SFI1: variants seen among roughly 807,000 people sequenced by gnomAD.
The protein encoded by SFI1 is protein SFI1 homolog.
SFI1 carries 195 observed loss-of-function variants against 207.5 expected under a neutral mutation model. That is an observed-to-expected ratio of 0.94 (90% CI 0.84 to 1.06). The LOEUF is 1.06. Among genes scored for constraint, SFI1 ranks in the 50% least tolerant of loss-of-function variants. SFI1 has a pLI of 0.00. For synonymous variants in SFI1, 630 were observed against 598.9 expected, an observed-to-expected ratio of 1.05 and a Z score of -0.76; for missense variants, 1,634 against 1,588.0, an observed-to-expected ratio of 1.03 and a Z score of -0.49.
At chr22:31,562,907 C>G (rs2061866520) in intron 8 of SFI1, among the ~76,000 whole-genome samples, 1 of 151,810 alleles carries the variant, frequency 6.6e-6, no homozygotes, top group African/African-American at 2.4e-5. Flanking sequence ...ACTGGTATTA[C>G]AGGCGTGAGC....
At chr22:31,580,106 T>C (rs750992158) in intron 11 of SFI1, 166 bp from the exon 12 acceptor site, 1 of 582,500 alleles carries the variant, frequency 1.7e-6, no homozygotes, top group Non-Finnish European at 3.1e-6. Context: ...AGGCTCCCAG[T>C]TGAATCTCAA....
chr22:31,604,215 C>T (rs954543605), intron 18 of SFI1, 94 bp from the exon 19 acceptor site: 1 of 946,058 alleles, frequency 1.1e-6, no homozygotes, highest in Non-Finnish European at 1.6e-6. Context: ...TTAATTTACA[C>T]TCACACAGAT....
Position 31,575,345 on chromosome 22 carries a change from T to C in SFI1, c.1037T>C (p.Leu346Pro), listed in dbSNP as rs1350867692. The C allele has an allele frequency of 6.2e-7, 1 of 1,612,782 alleles. No homozygotes were observed. The highest frequency in any genetic ancestry group is 1.3e-5 in the African/African-American group (1 of 74,872). The change falls in exon 10 of 33, where the codon CTG (leucine) becomes CCG (proline). Residue 346 changes from leucine to proline, a missense_variant. Transcript: ENST00000400288. Reference protein sequence around the residue: ...LYAHHAQVEKLARKMALRRAF... With the variant: ...LYAHHAQVEKPARKMALRRAF... ...GCTCACCATGCCCAGGTGGAGAAAC[T>C]GGCCAGGAAGATGGCCCTGCGGCGC...
At chr22:31,534,344 T>C (rs1051773858) in intron 4 of SFI1, among the ~76,000 whole-genome samples, 2 of 152,206 alleles carry the variant, frequency 1.3e-5, no homozygotes, top group African/African-American at 4.8e-5. Context: ...TTCACATATT[T>C]ACCCTACTTA....
chr22:31,559,301 T>C (rs2061451031), intron 7 of SFI1, among the ~76,000 whole-genome samples: 2 of 152,158 alleles, frequency 1.3e-5, no homozygotes, highest in South Asian at 4.1e-4. Context: ...TGCACGCCTA[T>C]AATCCCAGCT....
chr22:31,576,184 C>T (rs2063469599), intron 10 of SFI1, among the ~76,000 whole-genome samples: 1 of 152,008 alleles, frequency 6.6e-6, no homozygotes, highest in Non-Finnish European at 1.5e-5. Context: ...GCCACCACGC[C>T]TGGCTAATTT....
At position 31,605,063 on chromosome 22, in the gene SFI1, C is replaced by T. The variant is rs76528047; in HGVS notation, c.2054+118C>T. 6,175 of 847,992 alleles carry T rather than the reference C, an allele frequency of 7.3e-3. 204 individuals are homozygous for T. In the African/African-American group the frequency reaches 0.083, roughly 11 times the overall value. 52.5% of individuals were successfully genotyped at this position (847,992 alleles called of 1,614,324 possible). ...TCGGGGATGATCCCGGGTTCCTAGTCGCTAATATCATGGTCTTGGCTTTTC... is the reference window on the plus strand; with the variant it reads ...TCGGGGATGATCCCGGGTTCCTAGTTGCTAATATCATGGTCTTGGCTTTTC... On this transcript the variant is annotated intron_variant, in intron 20 of 32. Transcript: ENST00000400288.
rs777128215 is a variant in SFI1 at position 31,603,815 on chromosome 22, G to A, written c.1877G>A (p.Arg626Lys). ...CTGCGTTGGGCCTGGAGCCAGTGGA[G>A]GGAGGTAAGGCTTTGGTGCGAGGTG... Reference protein sequence around the residue: ...QLLRWAWSQWRECLALRGAER... With the variant: ...QLLRWAWSQWKECLALRGAER... The change falls in exon 18 of 33, where the codon AGG (arginine) becomes AAG (lysine). Residue 626 changes from arginine to lysine, a missense_variant. Transcript: ENST00000400288. The A allele has an allele frequency of 1.0e-5, 16 of 1,571,282 alleles. No homozygotes were observed. The highest frequency in any genetic ancestry group is 1.3e-5 in the Non-Finnish European group (15 of 1,167,300).
Position 31,606,318 on chromosome 22 carries a change from G to T in SFI1, c.2055-10G>T. 1.2e-5 allele frequency: 19 copies of T among 1,612,162 alleles called. No individual in the cohort carries two copies. The highest frequency in any genetic ancestry group is 1.6e-5 in the Non-Finnish European group (19 of 1,178,604). On this transcript the variant is annotated splice_polypyrimidine_tract_variant and intron_variant, in intron 20 of 32. Transcript: ENST00000400288. The stretch of plus-strand genomic sequence containing the variant: ...TGTCATCTGCCTTCCTCGCACCCAT[G>T]CATCTGCAGCGGGGCATTACGTCGC...
At chr22:31,578,551 C>A in intron 11 of SFI1, 99 bp downstream of exon 11, 1 of 1,088,108 alleles carries the variant, frequency 9.2e-7, no homozygotes, top group Non-Finnish European at 1.3e-6. Flanking sequence ...TAAATGCAGT[C>A]AGCTATGGGT....
chr22:31,613,378 G>A lies in SFI1; in HGVS notation c.2590G>A (p.Val864Ile). 1 of 1,611,646 alleles carries A rather than the reference G, an allele frequency of 6.2e-7. No individual in the cohort carries two copies. The highest frequency in any genetic ancestry group is 1.3e-5 in the African/African-American group (1 of 75,054). ...AKVWATWLAF[V>I]LERRRKKARL... ...GGTGTGGGCCACGTGGCTGGCCTTTGTACTGGAAAGGAGGAGAAAGAAGGC... is the reference window on the plus strand; with the variant it reads ...GGTGTGGGCCACGTGGCTGGCCTTTATACTGGAAAGGAGGAGAAAGAAGGC... The change falls in exon 26 of 33, where the codon GTA becomes ATA. Residue 864 changes from valine (V) to isoleucine (I), a missense_variant. Physicochemically the swap from Val to Ile is conservative, Grantham distance 29 (BLOSUM62 3). Transcript: ENST00000400288.
intron 4 of SFI1, among the ~76,000 whole-genome samples, chr22:31,540,345 G>T (rs1015351607): frequency 6.7e-6 from 1 of 149,812 alleles, no homozygotes. Context: ...GTGCAGTGGC[G>T]CAATTGACTC....
chr22:31,562,437 CAAA>C (rs528463423), intron 8 of SFI1, among the ~76,000 whole-genome samples: 11 of 99,964 alleles, frequency 1.1e-4, no homozygotes, highest in East Asian at 5.2e-4. Context: ...GGCCCTGTCT[CAAA>C]AAAAAAAAAA....
rs139960935 is a variant in SFI1, at chr22:31,509,273, G to A, written c.92+897G>A. Among the ~76,000 whole-genome samples the A allele has an allele frequency of 4.6e-5, 7 of 152,256 alleles. No individual in the cohort carries two copies. The East Asian group carries it at 7.7e-4, about 17-fold the overall frequency. The stretch of plus-strand genomic sequence containing the variant: ...TCACACAATCACAAGGTGAAGTCCC[G>A]TGATAGGCAGTCTGCAAGTTGAGGA... On this transcript the variant is annotated intron_variant, in intron 2 of 32. Coordinates refer to ENST00000400288, the MANE Select transcript of SFI1 (RefSeq NM_001007467.3).
chr22:31,566,797 G>C (rs750796730), intron 8 of SFI1, among the ~76,000 whole-genome samples: 5 of 152,152 alleles, frequency 3.3e-5, no homozygotes, highest in East Asian at 1.9e-4. Flanking sequence ...ATTTGACAGA[G>C]AATCTCCTTT....
intron 1 of SFI1, chr22:31,497,330 T>C (rs2052860619): frequency 6.6e-6 from 1 of 152,252 alleles, no homozygotes; most frequent in African/African-American, 2.4e-5. Flanking sequence ...TGTGCCCACT[T>C]CCTGTCACTT....
At chr22:31,609,152 C>T (rs2069614128) in intron 22 of SFI1, among the ~76,000 whole-genome samples, 1 of 152,050 alleles carries the variant, frequency 6.6e-6, no homozygotes, top group Non-Finnish European at 1.5e-5. Flanking sequence ...GTGTGTGCCA[C>T]CACGCCAGGC....
At chr22:31,567,063 G>A (rs1020221416) in intron 8 of SFI1, among the ~76,000 whole-genome samples, 7 of 152,006 alleles carry the variant, frequency 4.6e-5, no homozygotes, top group African/African-American at 9.7e-5. Flanking sequence ...CTGCCACCAC[G>A]CCTGGCTAAT....
intron 16 of SFI1, 34 bp downstream of exon 16, chr22:31,602,327 G>A: frequency 1.3e-6 from 2 of 1,593,272 alleles, no homozygotes; most frequent in African/African-American, 1.3e-5. Flanking sequence ...TGTGTGGAGG[G>A]GCAGGATCTG....
Sources: gnomAD v4.1 joint callset for allele counts (sites outside exome capture counted in the v4.1 genomes callset) on GRCh38, gnomAD v4.1.1 for gene constraint, MANE v1.5 for transcripts, NCBI Gene and HGNC (gene_info 2026-07-23, HGNC 2026-07-21) for gene names.